The following KLC4 variants were observed in gnomAD, a reference collection of about 807,000 sequenced individuals.
KLC4 encodes the protein kinesin light chain 4.
A neutral mutation model predicts 77.2 loss-of-function variants in KLC4; 49 were observed. That is an observed-to-expected ratio of 0.63 (90% CI 0.50 to 0.80). The LOEUF (loss-of-function observed/expected upper bound fraction) is 0.80. Among genes scored for constraint, KLC4 ranks in the 30% least tolerant of loss-of-function variants. The pLI is 0.00. For synonymous variants in KLC4, 274 were observed against 314.5 expected (o/e 0.87, Z 1.36); for missense variants, 669 against 793.5 (o/e 0.84, Z 1.89).
intron 4 of KLC4, 84 bp from the exon 5 acceptor site, chr6:43,066,222 G>C: frequency 8.5e-7 from 1 of 1,183,144 alleles, no homozygotes; most frequent in Non-Finnish European, 1.3e-6. Context: ...CACAAGTATG[G>C]AACAAGACAT....
At chr6:43,067,223 C>T (rs1765480764) in intron 6 of KLC4, 140 bp downstream of exon 6, 1 of 1,427,006 alleles carries the variant, frequency 7.0e-7, no homozygotes, top group South Asian at 1.6e-5. Context: ...GTCCTTTCTT[C>T]CAGGCACTGT....
intron 8 of KLC4, among the ~76,000 whole-genome samples, 194 bp downstream of exon 8, chr6:43,071,059 T>C (rs1194770401): frequency 6.6e-6 from 1 of 152,022 alleles, no homozygotes; most frequent in Non-Finnish European, 1.5e-5. Context: ...ATTCCAGTTA[T>C]AGAAGTTCCA....
At position 43,071,567 on chromosome 6, in the gene KLC4, A is replaced by G. The variant is rs1211629030; in HGVS notation, c.1256A>G (p.Asp419Gly). 5.0e-6 allele frequency: 8 copies of G among 1,613,216 alleles called. No homozygotes were observed. The highest frequency in any genetic ancestry group is 6.8e-6 in the Non-Finnish European group (8 of 1,179,784). ...AHVQEFGSVD[D>G]DHKPIWMHAE... ...TCCCCACCCCATGTATCACCCCTAG[A>G]TGACCACAAGCCCATCTGGATGCAT... is the stretch of plus-strand genomic sequence containing the variant. The change falls in exon 10 of 16, where the codon GAT becomes GGT. Residue 419 changes from aspartate (D) to glycine (G), a missense_variant and splice_region_variant. Transcript: ENST00000347162.
chr6:43,071,544 C>T (rs1335012469), intron 9 of KLC4, 23 bp from the exon 10 acceptor site: 1 of 1,609,178 alleles, frequency 6.2e-7, no homozygotes, highest in Non-Finnish European at 8.5e-7. Context: ...CTCTAACCTC[C>T]CCACCCCATG....
intron 1 of KLC4, 37 bp from the exon 2 acceptor site, chr6:43,061,274 A>G (rs769366211): frequency 1.3e-6 from 2 of 1,578,948 alleles, no homozygotes; most frequent in South Asian, 1.2e-5. Context: ...TCTCTGTCTC[A>G]TCTTTACACC....
rs779684039 is a variant in KLC4, at chr6:43,061,381, C to G, written c.46C>G (p.Arg16Gly). ...LGQRDEPAGH[R>G]LSQEEILGST... ...GCAGCGGGATGAGCCTGCAGGCCAC[C>G]GGCTCAGCCAAGAGGAGATCCTGGG... The change falls in exon 2 of 16, where the codon CGG becomes GGG. Residue 16 changes from arginine (R) to glycine (G), a missense_variant. Physicochemically the swap from Arg to Gly is moderately radical, Grantham distance 125. Transcript: ENST00000347162. The G allele has an allele frequency of 6.2e-7, 1 of 1,613,850 alleles. No homozygotes were observed. The highest frequency in any genetic ancestry group is 8.5e-7 in the Non-Finnish European group (1 of 1,180,024).
Position 43,062,926 on chromosome 6 carries a change from G to A in KLC4, c.268G>A (p.Ala90Thr). ...LGLSEAQVML[A>T]LASHLSTVES... ...GGATGTGCCCACCTAGGTGATGCTG[G>A]CTCTAGCCAGCCACCTGAGCACAGT... is the stretch of plus-strand genomic sequence containing the variant. The change falls in exon 3 of 16, where the codon GCT (alanine) becomes ACT (threonine). Residue 90 changes from alanine (A) to threonine (T), a missense_variant. Ala to Thr is a moderately conservative substitution (Grantham distance 58). Transcript: ENST00000347162. 6.2e-7 allele frequency: 1 copy of A among 1,614,102 alleles called. No individual in the cohort carries two copies. The highest frequency in any genetic ancestry group is 2.2e-5 in the East Asian group (1 of 44,888).
chr6:43,070,930 G>A (rs1252914956), intron 8 of KLC4, 65 bp downstream of exon 8: 22 of 471,152 alleles, frequency 4.7e-5, no homozygotes, highest in African/African-American at 2.7e-4. Flanking sequence ...GGGGGGAGGG[G>A]GGGCAGGCGG....
rs1765912633 is a variant in KLC4 at position 43,074,852 on chromosome 6, G to A, written c.*180G>A. 4 of 619,410 alleles carry A rather than the reference G, an allele frequency of 6.5e-6. No homozygotes were observed. Among genetic ancestry groups the A allele is most frequent in the Non-Finnish European group, 1.2e-5 (4 of 343,358 alleles). The allele number at this position is 619,410 out of a possible 1,614,324, so 38.4% of individuals were successfully genotyped here. On this transcript the variant is annotated 3_prime_UTR_variant, in exon 16 of 16. Coordinates refer to ENST00000347162, the MANE Select transcript of KLC4 (RefSeq NM_201521.3). ...CTCCTCAGGAATCCCTCTTAGGAAGGACCCTCAGGACACCCTCTCTGCACC... is the reference window on the plus strand; with the variant it reads ...CTCCTCAGGAATCCCTCTTAGGAAGAACCCTCAGGACACCCTCTCTGCACC...
chr6:43,059,632 T>C lies in KLC4; in HGVS notation c.-79T>C. ...CAATTGCCTCGAGCGGCAGCCATCATGGATTTAAAGGGGCAGTACCGGCAA... is the reference window on the plus strand; with the variant it reads ...CAATTGCCTCGAGCGGCAGCCATCACGGATTTAAAGGGGCAGTACCGGCAA... On this transcript the variant is annotated 5_prime_UTR_variant, in exon 1 of 16. The change abolishes an upstream ATG in the 5' untranslated region. Transcript: ENST00000347162. 1 of 1,375,602 alleles carries C rather than the reference T, an allele frequency of 7.3e-7. No homozygotes were observed. Among genetic ancestry groups the C allele is most frequent in the African/African-American group, 1.5e-5 (1 of 64,992 alleles). 85.2% of individuals were successfully genotyped at this position (1,375,602 alleles called of 1,614,324 possible).
In KLC4 at chr6:43,070,378, G is replaced by A. The variant is rs1315034176; in HGVS notation, c.904G>A (p.Ala302Thr). ...PAVAATLNNLAVLYGKRGKYK... is the reference protein window; with the variant it reads ...PAVAATLNNLTVLYGKRGKYK... The stretch of plus-strand genomic sequence containing the variant: ...GGTGGCTGCCACACTCAACAATTTG[G>A]CTGTGCTCTATGGCAAAAGGGGCAA... The change falls in exon 7 of 16, where the codon GCT becomes ACT. Residue 302 changes from alanine (A) to threonine (T), a missense_variant. Transcript: ENST00000347162. The A allele has an allele frequency of 1.2e-6, 2 of 1,613,926 alleles. No individual in the cohort carries two copies. The highest frequency in any genetic ancestry group is 3.3e-5 in the Admixed American group (2 of 59,998).
At chr6:43,067,727 G>A (rs1249469552) in intron 6 of KLC4, among the ~76,000 whole-genome samples, 9 of 150,388 alleles carry the variant, frequency 6.0e-5, no homozygotes, top group Non-Finnish European at 7.4e-5. Flanking sequence ...CCCGGGAGGC[G>A]GAGCTTGCAG....
chr6:43,062,677 G>A lies in KLC4; in HGVS notation c.259-240G>A, dbSNP rs1765221773. On this transcript the variant is annotated intron_variant, in intron 2 of 15. Coordinates refer to ENST00000347162, the MANE Select transcript of KLC4 (RefSeq NM_201521.3). ...GAACAAGGGCAGAAACGAGGCCAGT[G>A]AGGAAGTTATTGTAATAATTTGGGT... 2.9e-5 allele frequency: 16 copies of A among 559,094 alleles called. No homozygotes were observed. In the South Asian group the frequency reaches 3.3e-4, roughly 12 times the overall value. The allele number at this position is 559,094 out of a possible 1,614,324, so 34.6% of individuals were successfully genotyped here.
intron 6 of KLC4, among the ~76,000 whole-genome samples, chr6:43,069,195 A>C (rs981227381): frequency 5.9e-5 from 9 of 152,140 alleles, no homozygotes; most frequent in African/African-American, 2.2e-4. Context: ...CAAATGATAG[A>C]GTTGTCAATG....
chr6:43,062,980 C>A lies in KLC4; in HGVS notation c.322C>A (p.Gln108Lys). Residue 108 changes from glutamine to lysine, a missense_variant, in exon 3 of 16, where the codon CAG becomes AAG. Coordinates refer to ENST00000347162, the MANE Select transcript of KLC4 (RefSeq NM_201521.3). ...GTCGGAGAAACAGAAGCTGCGGGCT[C>A]AGGTGCGGCGGCTATGCCAGGAGAA... ...VESEKQKLRA[Q>K]VRRLCQENQW... The A allele has an allele frequency of 6.2e-7, 1 of 1,614,228 alleles. No homozygotes were observed.
In KLC4 at chr6:43,070,814, G is replaced by T. The variant is rs368357683; in HGVS notation, c.1104G>T (p.Glu368Asp). The change falls in exon 8 of 16, where the codon GAG becomes GAT. Residue 368 changes from glutamate (E) to aspartate (D), a missense_variant. Glu to Asp is a conservative substitution (Grantham distance 45, BLOSUM62 2). Coordinates refer to ENST00000347162, the MANE Select transcript of KLC4 (RefSeq NM_201521.3). Reference sequence around the variant, plus strand: ...ACCAGCGAGCACTGGCCATCTACGAGGGGCAGCTGGGGCCGGACAACCCTA... The same window carrying T: ...ACCAGCGAGCACTGGCCATCTACGATGGGCAGCTGGGGCCGGACAACCCTA... ...RYYQRALAIYEGQLGPDNPNV... is the reference protein window; with the variant it reads ...RYYQRALAIYDGQLGPDNPNV... 1 of 1,613,696 alleles carries T rather than the reference G, an allele frequency of 6.2e-7. No individual in the cohort carries two copies. The highest frequency in any genetic ancestry group is 8.5e-7 in the Non-Finnish European group (1 of 1,179,914).
intron 3 of KLC4, 73 bp from the exon 4 acceptor site, chr6:43,065,547 G>T: frequency 1.0e-6 from 1 of 983,520 alleles, no homozygotes. Flanking sequence ...TGATTTCATG[G>T]CTTAGAGGGG....
At chr6:43,071,764 A>C in intron 10 of KLC4, 88 bp from the exon 11 acceptor site, 1 of 1,495,088 alleles carries the variant, frequency 6.7e-7, no homozygotes, top group Non-Finnish European at 9.2e-7. Flanking sequence ...CCTGCACCCT[A>C]GCCCCATGCC....
chr6:43,072,635 A>AAT, intron 12 of KLC4, 189 bp from the exon 13 acceptor site: 2 of 605,024 alleles, frequency 3.3e-6, no homozygotes, highest in Non-Finnish European at 5.8e-6. Flanking sequence ...TGGGGATAAA[A>AAT]ATATATACAG....
Sources: allele counts gnomAD v4.1 joint callset (sites outside exome capture counted in the v4.1 genomes callset), GRCh38; gene constraint gnomAD v4.1.1; transcripts MANE v1.5; gene names NCBI Gene and HGNC (gene_info 2026-07-23, HGNC 2026-07-21).